The following SPOCK1 variants were observed in gnomAD, a reference collection of about 807,000 sequenced individuals.
The protein encoded by SPOCK1 is SPARC (osteonectin), cwcv and kazal like domains proteoglycan 1, also known as testican-1.
SPOCK1 carries 23 observed loss-of-function variants against 55.3 expected under a neutral mutation model. The ratio of observed to expected loss-of-function variants is 0.42; its 90% CI spans 0.30 to 0.59. SPOCK1 has a LOEUF of 0.59. Among genes scored for constraint, SPOCK1 ranks in the 20% least tolerant of loss-of-function variants. SPOCK1 has a pLI of 0.22. For synonymous variants in SPOCK1, 226 were observed against 221.0 expected (o/e 1.02, Z -0.20); for missense variants, 499 against 552.5 (o/e 0.90, Z 0.97).
chr5:137,440,230 G>A (rs1752966727), intron 2 of SPOCK1, among the ~76,000 whole-genome samples: 1 of 152,122 alleles, frequency 6.6e-6, no homozygotes, highest in South Asian at 2.1e-4. Context: ...TTATGTATTT[G>A]TGTATATTCA....
intron 2 of SPOCK1, among the ~76,000 whole-genome samples, chr5:137,419,600 T>A (rs376031560): frequency 6.6e-6 from 1 of 152,048 alleles, no homozygotes; most frequent in Non-Finnish European, 1.5e-5. Flanking sequence ...TGGCTCTCTG[T>A]TTGTCTGTTA....
intron 2 of SPOCK1, among the ~76,000 whole-genome samples, chr5:137,305,310 C>T (rs1304020348): frequency 2.0e-5 from 3 of 152,200 alleles, no homozygotes; most frequent in African/African-American, 4.8e-5. Flanking sequence ...ACTCTCACCC[C>T]GTGTGTCTGT....
At chr5:137,155,846 A>T (rs892020469) in intron 3 of SPOCK1, among the ~76,000 whole-genome samples, 1 of 152,190 alleles carries the variant, frequency 6.6e-6, no homozygotes, top group Non-Finnish European at 1.5e-5. Flanking sequence ...GAGGCCCTTG[A>T]TGCCTGTTCA....
In SPOCK1 at chr5:137,217,722, T is replaced by C. The variant is rs115551008; in HGVS notation, c.232+49288A>G. Among the ~76,000 whole-genome samples the C allele has an allele frequency of 4.8e-3, 728 of 152,348 alleles. 3 individuals are homozygous for C. The highest frequency in any genetic ancestry group is 0.017 in the African/African-American group (701 of 41,572). The stretch of plus-strand genomic sequence containing the variant: ...TAACATTTTTACTGATCATCTACTA[T>C]GCAAAGTACTTAAAACGCCTGACTC... On this transcript the variant is annotated intron_variant, in intron 3 of 10. Coordinates refer to ENST00000394945, the MANE Select transcript of SPOCK1 (RefSeq NM_004598.4).
intron 3 of SPOCK1, among the ~76,000 whole-genome samples, chr5:137,143,332 T>C (rs1754134617): frequency 6.6e-6 from 1 of 152,228 alleles, no homozygotes; most frequent in Non-Finnish European, 1.5e-5. Flanking sequence ...TATCCAACTT[T>C]GTTAACATGC....
intron 3 of SPOCK1, among the ~76,000 whole-genome samples, chr5:137,206,781 C>A (rs1755527316): frequency 6.6e-6 from 1 of 152,210 alleles, no homozygotes; most frequent in African/African-American, 2.4e-5. Flanking sequence ...ATGTTCCAGG[C>A]AACATCTTAT....
chr5:137,233,121 T>C (rs967410350), intron 3 of SPOCK1, among the ~76,000 whole-genome samples: 1 of 152,220 alleles, frequency 6.6e-6, no homozygotes, highest in Admixed American at 6.5e-5. Flanking sequence ...ACTTGTTTCA[T>C]AGAAGACAGT....
intron 3 of SPOCK1, among the ~76,000 whole-genome samples, chr5:137,248,837 G>A (rs1756452205): frequency 6.6e-6 from 1 of 152,202 alleles, no homozygotes; most frequent in Admixed American, 6.5e-5. Flanking sequence ...AGGCTTTGAG[G>A]AACATTTACA....
At chr5:137,360,378 T>C (rs1209016338) in intron 2 of SPOCK1, among the ~76,000 whole-genome samples, 1 of 152,206 alleles carries the variant, frequency 6.6e-6, no homozygotes, top group Non-Finnish European at 1.5e-5. Context: ...CACATGGACC[T>C]TGAGCATCCC....
intron 2 of SPOCK1, among the ~76,000 whole-genome samples, chr5:137,424,742 TA>T (rs1752571676): frequency 6.6e-6 from 1 of 152,152 alleles, no homozygotes; most frequent in Non-Finnish European, 1.5e-5. Context: ...AGCCAGACAC[TA>T]AAGATTAAAT....
At chr5:137,276,434 C>T (rs1757069348) in intron 2 of SPOCK1, among the ~76,000 whole-genome samples, 1 of 152,242 alleles carries the variant, frequency 6.6e-6, no homozygotes, top group African/African-American at 2.4e-5. Flanking sequence ...GAGCACTGAA[C>T]TGCTCACACT....
intron 2 of SPOCK1, among the ~76,000 whole-genome samples, chr5:137,368,132 C>G (rs1319140982): frequency 6.6e-6 from 1 of 152,248 alleles, no homozygotes; most frequent in Non-Finnish European, 1.5e-5. Flanking sequence ...CCTCAAACAT[C>G]TGTACCTAAC....
intron 3 of SPOCK1, among the ~76,000 whole-genome samples, chr5:137,259,682 T>A: frequency 1.1e-5 from 1 of 93,884 alleles, no homozygotes. Context: ...TAAAGACACA[T>A]GAAAGTAAAA....
intron 6 of SPOCK1, among the ~76,000 whole-genome samples, chr5:137,028,387 A>T (rs536204866): frequency 6.6e-6 from 1 of 152,332 alleles, no homozygotes; most frequent in South Asian, 2.1e-4. Flanking sequence ...GTTCACTGGA[A>T]AAAGGTATTA....
At chr5:136,993,892 C>T (rs894413462) in intron 6 of SPOCK1, among the ~76,000 whole-genome samples, 7 of 152,200 alleles carry the variant, frequency 4.6e-5, no homozygotes, top group African/African-American at 1.4e-4. Context: ...CAGCCCCCAT[C>T]GGCCTGCCTT....
intron 3 of SPOCK1, among the ~76,000 whole-genome samples, chr5:137,204,626 G>C (rs1580806441): frequency 1.2e-5 from 1 of 81,746 alleles, no homozygotes; most frequent in Non-Finnish European, 2.4e-5. Context: ...TGCACTTCTA[G>C]CACTTACCCC....
intron 2 of SPOCK1, among the ~76,000 whole-genome samples, chr5:137,295,076 A>G (rs1463262779): frequency 6.6e-6 from 1 of 152,194 alleles, no homozygotes; most frequent in Non-Finnish European, 1.5e-5. Flanking sequence ...GCATGAGGGC[A>G]GGTATTTCAT....
chr5:136,981,499 ATTTGGTACACCATGCT>A (rs1233645118), intron 9 of SPOCK1, among the ~76,000 whole-genome samples: 30 of 152,112 alleles, frequency 2.0e-4, no homozygotes, highest in Non-Finnish European at 4.0e-4. Context: ...CTTCCCATGT[ATTTGGTACACCATGCT>A]TTCATTTTCT....
intron 2 of SPOCK1, among the ~76,000 whole-genome samples, chr5:137,389,285 C>T (rs1278277844): frequency 6.6e-6 from 1 of 152,214 alleles, no homozygotes; most frequent in Non-Finnish European, 1.5e-5. Context: ...CCCTCAGGAG[C>T]TGATATGCCC....
Sources: gnomAD v4.1 joint callset for allele counts (sites outside exome capture counted in the v4.1 genomes callset) on GRCh38, gnomAD v4.1.1 for gene constraint, MANE v1.5 for transcripts, NCBI Gene and HGNC (gene_info 2026-07-23, HGNC 2026-07-21) for gene names.